Variants in KNTC1 observed in about 807,000 individuals in gnomAD.
KNTC1 encodes kinetochore associated 1.
A neutral mutation model predicts 314.4 loss-of-function variants in KNTC1; 253 were observed. The observed-to-expected ratio is 0.80, with a 90% CI of 0.73 to 0.89. The LOEUF is 0.89. Among genes scored for constraint, KNTC1 ranks in the 40% least tolerant of loss-of-function variants. KNTC1 has a pLI of 0.00. For synonymous variants in KNTC1, 901 were observed against 901.4 expected (o/e 1.00, Z 0.01); for missense variants, 2,475 against 2,572.9 (o/e 0.96, Z 0.82).
intron 11 of KNTC1, 136 bp downstream of exon 11, chr12:122,547,666 T>G (rs1263467752): frequency 7.4e-6 from 5 of 672,194 alleles, no homozygotes; most frequent in Non-Finnish European, 1.2e-5. Flanking sequence ...AAAGACCGTT[T>G]GCAAAATTCA....
intron 57 of KNTC1, chr12:122,617,527 G>T: frequency 4.1e-6 from 1 of 243,840 alleles, no homozygotes; most frequent in South Asian, 4.0e-5. Flanking sequence ...CCTGGCCAGT[G>T]TTCTTTCCTT....
At position 122,577,776 on chromosome 12, in the gene KNTC1, A is replaced by G; in HGVS notation, c.2826A>G (p.Pro942=). The change falls in exon 31 of 64, where the codon CCA becomes CCG. Residue 942 remains proline, a synonymous_variant. Transcript: ENST00000333479. ...IWARLALQEE[P]DHSKEGKAWR... is the part of the protein sequence containing the mutation. ...CACGACTGGCATTACAAGAAGAGCC[A>G]GATCATTCTAAAGAGGTGACATTTT... 6.2e-7 allele frequency: 1 copy of G among 1,612,768 alleles called. No homozygotes were observed. Among genetic ancestry groups the G allele is most frequent in the Non-Finnish European group, 8.5e-7 (1 of 1,179,468 alleles).
intron 2 of KNTC1, 122 bp downstream of exon 2, chr12:122,530,314 A>C (rs757635857): frequency 4.6e-5 from 38 of 817,306 alleles, no homozygotes; most frequent in Non-Finnish European, 6.5e-5. Flanking sequence ...ATCAAGATTC[A>C]ATCTCAGATT....
At chr12:122,549,734 T>C (rs761304265) in intron 12 of KNTC1, 32 bp from the exon 13 acceptor site, 1 of 1,064,774 alleles carries the variant, frequency 9.4e-7, no homozygotes. Context: ...TAAATTGATC[T>C]GCTAAATTAA....
intron 38 of KNTC1, 70 bp from the exon 39 acceptor site, chr12:122,587,641 A>G (rs1869545375): frequency 7.8e-7 from 1 of 1,274,748 alleles, no homozygotes; most frequent in African/African-American, 1.5e-5. Context: ...GTCCCTGAAA[A>G]CAGTTTTCAA....
intron 51 of KNTC1, among the ~76,000 whole-genome samples, chr12:122,607,950 A>G (rs1222248749): frequency 6.6e-6 from 1 of 152,238 alleles, no homozygotes; most frequent in Non-Finnish European, 1.5e-5. Flanking sequence ...ATTAACAACT[A>G]AAATTTAAGA....
intron 5 of KNTC1, among the ~76,000 whole-genome samples, chr12:122,541,261 TTGCCTGCCTGCC>T (rs201311150): frequency 4.4e-5 from 6 of 137,292 alleles, no homozygotes; most frequent in African/African-American, 8.8e-5. Flanking sequence ...TTGTTTGTGC[TTGCCTGCCTGCC>T]TGCCTGCCTG....
chr12:122,622,329 G>A (rs762684614), intron 61 of KNTC1, 133 bp from the exon 62 acceptor site: 387 of 802,702 alleles, frequency 4.8e-4, no homozygotes, highest in Non-Finnish European at 6.7e-4. Flanking sequence ...TCACAATGCA[G>A]TGCTAATTGG....
intron 59 of KNTC1, among the ~76,000 whole-genome samples, chr12:122,618,849 A>G (rs927740670): frequency 4.6e-5 from 7 of 150,554 alleles, no homozygotes; most frequent in African/African-American, 1.7e-4. Context: ...TTGTATTTTT[A>G]GTAGAGATGG....
intron 26 of KNTC1, 99 bp from the exon 27 acceptor site, chr12:122,574,183 T>G (rs934558495): frequency 4.8e-6 from 3 of 628,014 alleles, no homozygotes; most frequent in Non-Finnish European, 8.1e-6. Context: ...TTTTAACACA[T>G]CTATCAAGGC....
At chr12:122,600,162 C>T (rs556365497) in intron 44 of KNTC1, among the ~76,000 whole-genome samples, 6 of 152,230 alleles carry the variant, frequency 3.9e-5, no homozygotes, top group Admixed American at 2.0e-4. Context: ...TGTAATGGCA[C>T]GATCTTGGCT....
intron 24 of KNTC1, 100 bp downstream of exon 24, chr12:122,571,226 A>G: frequency 1.2e-6 from 1 of 820,002 alleles, no homozygotes; most frequent in South Asian, 2.6e-5. Context: ...TCTACTTCTT[A>G]AATTTTCTGT....
intron 2 of KNTC1, among the ~76,000 whole-genome samples, chr12:122,533,462 G>C (rs978892695): frequency 6.6e-6 from 1 of 152,102 alleles, no homozygotes; most frequent in African/African-American, 2.4e-5. Context: ...TGGGTGGTTG[G>C]GATGGAAGGA....
At chr12:122,569,940 G>C in intron 22 of KNTC1, 116 bp downstream of exon 22, 2 of 848,122 alleles carry the variant, frequency 2.4e-6, no homozygotes, top group Non-Finnish European at 3.6e-6. Context: ...GCTAACACCT[G>C]TGTTAATTAA....
At chr12:122,586,818 A>C (rs7311684) in intron 38 of KNTC1, 61 bp downstream of exon 38, 1 of 525,006 alleles carries the variant, frequency 1.9e-6, no homozygotes, top group Non-Finnish European at 2.7e-6. Flanking sequence ...TTATTTATTT[A>C]TTTTATTTTT....
chr12:122,562,439 T>TTTTGTGTGTG (rs370627145), intron 19 of KNTC1, among the ~76,000 whole-genome samples, 199 bp from the exon 20 acceptor site: 3 of 145,082 alleles, frequency 2.1e-5, no homozygotes, highest in African/African-American at 7.7e-5. Context: ...ATCCCATGTT[T>TTTTGTGTGTG]TGTGTGTGTG....
At chr12:122,566,910 A>G (rs1257012959) in intron 20 of KNTC1, among the ~76,000 whole-genome samples, 1 of 150,168 alleles carries the variant, frequency 6.7e-6, no homozygotes, top group Non-Finnish European at 1.5e-5. Flanking sequence ...CACTCAGCTA[A>G]TTTTTTGTAG....
At chr12:122,529,185 C>T (rs1255008129) in intron 1 of KNTC1, among the ~76,000 whole-genome samples, 1 of 152,016 alleles carries the variant, frequency 6.6e-6, no homozygotes, top group Non-Finnish European at 1.5e-5. Context: ...AATTGAGGAA[C>T]AGAAAGATTA....
intron 12 of KNTC1, among the ~76,000 whole-genome samples, chr12:122,549,145 T>A (rs1419405590): frequency 6.6e-6 from 1 of 152,026 alleles, no homozygotes; most frequent in Non-Finnish European, 1.5e-5. Context: ...AACCTCTTCC[T>A]CCCAGGTTCA....
Sources: allele counts gnomAD v4.1 joint callset (sites outside exome capture counted in the v4.1 genomes callset), GRCh38; gene constraint gnomAD v4.1.1; transcripts MANE v1.5; gene names NCBI Gene and HGNC (gene_info 2026-07-23, HGNC 2026-07-21).